Variants in SLC24A2 observed in about 807,000 individuals in gnomAD.
The protein encoded by SLC24A2 is solute carrier family 24 member 2.
In SLC24A2, 36 loss-of-function variants were observed where a neutral mutation model predicts 62.0. That is an observed-to-expected ratio of 0.58 (90% CI 0.44 to 0.77). The LOEUF (loss-of-function observed/expected upper bound fraction) is 0.77. Among genes scored for constraint, SLC24A2 ranks in the 30% least tolerant of loss-of-function variants. The pLI is 0.00. For synonymous variants in SLC24A2, 358 were observed against 294.0 expected (o/e 1.22, Z -2.23); for missense variants, 846 against 817.9 (o/e 1.03, Z -0.42).
chr9:19,888,157 C>A, the SLC24A2 span, among the ~76,000 whole-genome samples: 3 of 152,290 alleles, frequency 2.0e-5, no homozygotes, highest in Admixed American at 6.5e-5. Context: ...TCCTTTCCAA[C>A]CTTTTAGTGG....
rs1283965744 is a variant in SLC24A2, at chr9:19,510,070, G to T, written c.*6083C>A. ...GGGTAAGTACAGGCCCAGAGTTTTG[G>T]AGTAATCTAAAGTGGTGTCTCCCCA... On this transcript the variant is annotated 3_prime_UTR_variant, in exon 11 of 11. Transcript: ENST00000341998. 6.6e-6 allele frequency: 1 copy of T among 152,112 alleles called. No homozygotes were observed. The highest frequency in any genetic ancestry group is 1.5e-5 in the Non-Finnish European group (1 of 68,020). The allele number at this position is 152,112 out of a possible 1,614,324, so 9.4% of individuals were successfully genotyped here.
intron 5 of SLC24A2, among the ~76,000 whole-genome samples, chr9:19,579,997 C>T (rs1836153980): frequency 6.6e-6 from 1 of 152,180 alleles, no homozygotes; most frequent in African/African-American, 2.4e-5. Flanking sequence ...TTTATAGGTT[C>T]TCAAATATCT....
the SLC24A2 span, among the ~76,000 whole-genome samples, chr9:20,148,035 A>G: frequency 1.3e-5 from 2 of 152,052 alleles, no homozygotes; most frequent in Admixed American, 1.3e-4. Context: ...CCTGTGTTCT[A>G]GAGTCAGATG....
the SLC24A2 span, among the ~76,000 whole-genome samples, chr9:20,236,492 T>G: frequency 1.3e-5 from 2 of 152,180 alleles, no homozygotes; most frequent in Non-Finnish European, 2.9e-5. Flanking sequence ...GAATCAAAAT[T>G]TTTCAAAGAT....
intron 8 of SLC24A2, among the ~76,000 whole-genome samples, chr9:19,532,125 C>T (rs1410307056): frequency 6.6e-6 from 1 of 152,124 alleles, no homozygotes; most frequent in Admixed American, 6.6e-5. Flanking sequence ...TGTTGTTGCC[C>T]AGGCTGGAGT....
intron 8 of SLC24A2, among the ~76,000 whole-genome samples, chr9:19,531,427 T>A (rs533552644): frequency 2.9e-3 from 448 of 152,336 alleles, no homozygotes; most frequent in Non-Finnish European, 5.2e-3. Flanking sequence ...TCTGCTGGGA[T>A]GGACCTCATA....
In SLC24A2 at chr9:19,722,543, C is replaced by G. The variant is rs535950611; in HGVS notation, c.930+63394G>C. Among the ~76,000 whole-genome samples the G allele has an allele frequency of 6.6e-5, 10 of 151,930 alleles. 1 individual carries two copies. Among genetic ancestry groups the G allele is most frequent in the African/African-American group, 2.2e-4 (9 of 41,444 alleles). The stretch of plus-strand genomic sequence containing the variant: ...AAAGTGCAGGATAAGTCAAGATAAT[C>G]TTTAAAGGAATCATGGGGTATTTAT... On this transcript the variant is annotated intron_variant, in intron 2 of 10. Coordinates refer to ENST00000341998, the MANE Select transcript of SLC24A2 (RefSeq NM_020344.4).
the SLC24A2 span, among the ~76,000 whole-genome samples, chr9:20,234,319 T>C: frequency 6.6e-6 from 1 of 152,212 alleles, no homozygotes; most frequent in Non-Finnish European, 1.5e-5. Context: ...TCCTGCAGAG[T>C]GTTTTCCAAC....
At chr9:20,225,576 T>TATATATTATATATATA in the SLC24A2 span, among the ~76,000 whole-genome samples, 5 of 126,444 alleles carry the variant, frequency 4.0e-5, no homozygotes, top group African/African-American at 7.3e-5. Context: ...ATATATATAA[T>TATATATTATATATATA]TTCATTTAAA....
At chr9:19,902,594 G>A in the SLC24A2 span, among the ~76,000 whole-genome samples, 3 of 152,186 alleles carry the variant, frequency 2.0e-5, no homozygotes, top group Admixed American at 6.5e-5. Context: ...CCCAGGCAGA[G>A]TGAGTGTTCT....
At chr9:20,133,980 A>G in the SLC24A2 span, among the ~76,000 whole-genome samples, 1 of 152,144 alleles carries the variant, frequency 6.6e-6, no homozygotes. Flanking sequence ...GAGGTGGCTG[A>G]GTTGAAAAGA....
chr9:19,594,313 C>G (rs1019841756), intron 5 of SLC24A2, among the ~76,000 whole-genome samples: 1 of 152,140 alleles, frequency 6.6e-6, no homozygotes, highest in Non-Finnish European at 1.5e-5. Flanking sequence ...CCCCAAAGCA[C>G]CCAGCAGAAT....
the SLC24A2 span, among the ~76,000 whole-genome samples, chr9:20,265,758 G>A: frequency 3.0e-3 from 460 of 151,986 alleles, 3 homozygotes; most frequent in African/African-American, 0.01. Context: ...TGAGCCAGGT[G>A]GAACAGAGCC....
At chr9:19,858,909 A>G in the SLC24A2 span, among the ~76,000 whole-genome samples, 4 of 152,228 alleles carry the variant, frequency 2.6e-5, no homozygotes, top group Admixed American at 2.0e-4. Flanking sequence ...AGGAATTAAA[A>G]TTAATTCAGC....
At chr9:19,768,101 G>C (rs1160222619) in intron 2 of SLC24A2, among the ~76,000 whole-genome samples, 1 of 152,118 alleles carries the variant, frequency 6.6e-6, no homozygotes, top group Non-Finnish European at 1.5e-5. Context: ...GATTAATGAA[G>C]ACAGGGCCCT....
intron 5 of SLC24A2, among the ~76,000 whole-genome samples, chr9:19,588,178 CT>C (rs3085622): frequency 0.81 from 98,498 of 121,702 alleles, 38,845 homozygotes; most frequent in Middle Eastern, 0.84. Flanking sequence ...TTCTTTTTTT[CT>C]TTTTTTTTTT....
At chr9:19,714,662 A>G (rs534650509) in intron 2 of SLC24A2, among the ~76,000 whole-genome samples, 1 of 152,336 alleles carries the variant, frequency 6.6e-6, no homozygotes, top group South Asian at 2.1e-4. Context: ...TTTAAGATAT[A>G]CAACATGATG....
chr9:19,915,314 T>C, the SLC24A2 span, among the ~76,000 whole-genome samples: 1 of 152,176 alleles, frequency 6.6e-6, no homozygotes, highest in African/African-American at 2.4e-5. Flanking sequence ...TATACCACAT[T>C]TTGTTTATCC....
the SLC24A2 span, among the ~76,000 whole-genome samples, chr9:20,305,458 G>A: frequency 1.1e-4 from 16 of 151,936 alleles, no homozygotes; most frequent in Admixed American, 9.8e-4. Context: ...CTACCTATCT[G>A]TTAAAGGCTT....
Sources: gnomAD v4.1 joint callset for allele counts (sites outside exome capture counted in the v4.1 genomes callset) on GRCh38, gnomAD v4.1.1 for gene constraint, MANE v1.5 for transcripts, NCBI Gene and HGNC (gene_info 2026-07-23, HGNC 2026-07-21) for gene names.